MOBP: variants seen among roughly 807,000 people sequenced by gnomAD.
MOBP encodes the protein myelin associated oligodendrocyte basic protein, also known as myelin-associated oligodendrocyte basic protein.
In MOBP, 5 loss-of-function variants were observed where a neutral mutation model predicts 15.0. That is an observed-to-expected ratio of 0.33 (90% CI 0.17 to 0.70). The LOEUF is 0.70. Among genes scored for constraint, MOBP ranks in the 30% least tolerant of loss-of-function variants. The pLI is 0.67. For missense variants in MOBP, 188 were observed against 257.8 expected, an observed-to-expected ratio of 0.73 and a Z score of 1.85; for synonymous variants, 88 against 99.0, an observed-to-expected ratio of 0.89 and a Z score of 0.66.
At chr3:39,475,280 C>T (rs1277327474) in intron 1 of MOBP, among the ~76,000 whole-genome samples, 1 of 152,120 alleles carries the variant, frequency 6.6e-6, no homozygotes, top group Non-Finnish European at 1.5e-5. Context: ...CGAGGATGAT[C>T]TGTCTTATTA....
downstream of MOBP, chr3:39,528,517 A>G (rs1322942621): frequency 6.6e-6 from 1 of 152,246 alleles, no homozygotes; most frequent in African/African-American, 2.4e-5. Context: ...TTGCCTGAAA[A>G]ACGCACCTGA....
At chr3:39,468,456 C>T (rs1262885482) in intron 1 of MOBP, among the ~76,000 whole-genome samples, 7 of 152,120 alleles carry the variant, frequency 4.6e-5, no homozygotes, top group Non-Finnish European at 1.0e-4. Flanking sequence ...AGGCAGAGAG[C>T]AGGCTGCTGC....
intron 2 of MOBP, among the ~76,000 whole-genome samples, chr3:39,498,420 A>G (rs9811533): frequency 0.18 from 27,560 of 151,868 alleles, 2,831 homozygotes; most frequent in African/African-American, 0.27. Context: ...GCGCGACCTC[A>G]GCTCGCTGCA....
intron 1 of MOBP, among the ~76,000 whole-genome samples, chr3:39,468,344 GA>G (rs1332431457): frequency 1.3e-5 from 2 of 152,112 alleles, no homozygotes; most frequent in South Asian, 4.1e-4. Context: ...ACAGAGAAAG[GA>G]AAAAATATTA....
intron 2 of MOBP, among the ~76,000 whole-genome samples, chr3:39,486,455 A>G (rs916304864): frequency 3.9e-5 from 6 of 152,196 alleles, no homozygotes; most frequent in Admixed American, 1.3e-4. Flanking sequence ...AAAATAAATA[A>G]AAATGCTCCC....
exon 5 of MOBP, chr3:39,514,965 CGTGTGTGTGTGT>C (rs34912911): frequency 0.21 from 28,690 of 137,240 alleles, 2,822 homozygotes; most frequent in Non-Finnish European, 0.25. Flanking sequence ...CTGGTGTGTG[CGTGTGTGTGTGT>C]GTGTGTGTGT....
intron 1 of MOBP, among the ~76,000 whole-genome samples, chr3:39,468,786 ATGTG>A (rs201842900): frequency 2.0e-5 from 1 of 50,840 alleles, no homozygotes; most frequent in Non-Finnish European, 3.7e-5. Context: ...ACATATATAC[ATGTG>A]TGTGTATATA....
In MOBP at chr3:39,502,180, G is replaced by A. The variant is rs762491990; in HGVS notation, c.111G>A (p.Lys37=). 2.5e-6 allele frequency: 4 copies of A among 1,614,120 alleles called. No individual in the cohort carries two copies. Among genetic ancestry groups the A allele is most frequent in the African/African-American group, 1.3e-5 (1 of 74,948 alleles). The part of the protein sequence containing the change: ...CPPFTFLNSK[K]EIVDRKYSIC... Reference sequence around the variant, plus strand: ...CGTTCACCTTCCTCAATTCCAAGAAGGAGATAGTGGATCGGAAATACAGCA... The same window carrying A: ...CGTTCACCTTCCTCAATTCCAAGAAAGAGATAGTGGATCGGAAATACAGCA... Residue 37 remains lysine, a synonymous_variant, in exon 3 of 4, where the codon AAG becomes AAA. Coordinates refer to ENST00000684792, the MANE Select transcript of MOBP (RefSeq NM_001393704.1). The surrounding 1 kb of genome is among the most constrained non-coding windows in gnomAD (Gnocchi z 6.3).
At chr3:39,468,407 G>A (rs907514978) in intron 1 of MOBP, among the ~76,000 whole-genome samples, 3 of 152,138 alleles carry the variant, frequency 2.0e-5, no homozygotes, top group African/African-American at 7.2e-5. Flanking sequence ...GCAGGAAAAC[G>A]GGGAAAGGAC....
chr3:39,469,641 A>G (rs1300912937), intron 1 of MOBP, among the ~76,000 whole-genome samples: 6 of 152,118 alleles, frequency 3.9e-5, no homozygotes, highest in African/African-American at 1.4e-4. Context: ...ATTTTGCTAA[A>G]TGTCCCTCAA....
Position 39,469,206 on chromosome 3 carries a change from A to ATGTG in MOBP, c.-89+1472_-89+1475dup, listed in dbSNP as rs372208840. Reference sequence around the variant, plus strand: ...TGTGTGTGTGTATATACATATATACATGTGTGTGTATATACATATATACAT... The same window carrying ATGTG: ...TGTGTGTGTGTATATACATATATACATGTGTGTGTGTGTATATACATATATACAT... On this transcript the variant is annotated intron_variant, in intron 1 of 3. Transcript: ENST00000684792. Among the ~76,000 whole-genome samples the ATGTG allele has an allele frequency of 7.7e-5, 5 of 64,882 alleles. 1 individual carries two copies. Among genetic ancestry groups the ATGTG allele is most frequent in the East Asian group, 3.3e-4 (1 of 2,994 alleles). The allele number at this position is 64,882 out of a possible 152,430, so 42.6% of individuals were successfully genotyped here.
At chr3:39,513,568 T>C in exon 5 of MOBP, 11 of 807,492 alleles carry the variant, frequency 1.4e-5, no homozygotes, top group Non-Finnish European at 2.2e-5. Flanking sequence ...ATGCTCATGG[T>C]CCCCATGGCA....
At chr3:39,528,107 G>A (rs971732708), downstream of MOBP, 2 of 152,156 alleles carry the variant, frequency 1.3e-5, no homozygotes, top group African/African-American at 2.4e-5. Flanking sequence ...TTGAAAAATG[G>A]ATTCATAAAC....
At chr3:39,510,646 T>A (rs1269056746) in intron 4 of MOBP, among the ~76,000 whole-genome samples, 1 of 152,204 alleles carries the variant, frequency 6.6e-6, no homozygotes, top group African/African-American at 2.4e-5. Context: ...ATTTTGTATA[T>A]TGATCATGTA....
At position 39,502,645 on chromosome 3, in the gene MOBP, A is replaced by G. The variant is rs900198547; in HGVS notation, c.317A>G (p.Gln106Arg). Residue 106 changes from glutamine (Q) to arginine (R), a missense_variant, in exon 4 of 4, where the codon CAG becomes CGG. This residue lies in a region of MOBP where 133 missense variants were observed against 212.5 expected (regional missense o/e 0.63). Coordinates refer to ENST00000684792, the MANE Select transcript of MOBP (RefSeq NM_001393704.1). The surrounding 1 kb of genome is among the most constrained non-coding windows in gnomAD (Gnocchi z 6.3). ...KPRSPPRSER[Q>R]PRSPPRSERQ... ...CGGTCCCCTCCGAGGTCTGAGCGTC[A>G]GCCACGGTCCCCTCCGAGGTCTGAG... 7.8e-6 allele frequency: 12 copies of G among 1,537,450 alleles called. No individual in the cohort carries two copies. Among genetic ancestry groups the G allele is most frequent in the African/African-American group, 1.4e-5 (1 of 72,920 alleles).
intron 2 of MOBP, among the ~76,000 whole-genome samples, chr3:39,484,390 C>G (rs2042670968): frequency 6.6e-6 from 1 of 152,094 alleles, no homozygotes; most frequent in Admixed American, 6.5e-5. Context: ...TGAGGCGACC[C>G]TTAAAGTTTT....
intron 3 of MOBP, among the ~76,000 whole-genome samples, chr3:39,523,826 A>C (rs538754827): frequency 6.6e-6 from 1 of 152,148 alleles, no homozygotes; most frequent in Non-Finnish European, 1.5e-5. Context: ...GGGCTGAGAC[A>C]TGGTTTTATT....
chr3:39,480,184 T>C (rs1010339603), intron 2 of MOBP, 61 bp downstream of exon 2: 1 of 152,216 alleles, frequency 6.6e-6, no homozygotes, highest in Non-Finnish European at 1.5e-5. Flanking sequence ...TAATGATGAC[T>C]AGTATTCAGA....
Position 39,468,961 on chromosome 3 carries a change from TA to T in MOBP, c.-89+1222del, listed in dbSNP as rs1382671215. On this transcript the variant is annotated intron_variant, in intron 1 of 3. Transcript: ENST00000684792. ...TTGTGTGTATATATACATATATACA[TA>T]TGTGTGTGTATATATACATATATAC... 4.4e-5 allele frequency among the ~76,000 whole-genome samples: 5 copies of T among 112,956 alleles called. 1 individual carries two copies. The highest frequency in any genetic ancestry group is 6.6e-5 in the Non-Finnish European group (4 of 60,240). 74.1% of individuals were successfully genotyped at this position (112,956 alleles called of 152,430 possible).
Sources: allele counts gnomAD v4.1 joint callset (sites outside exome capture counted in the v4.1 genomes callset), GRCh38; gene constraint gnomAD v4.1.1; regional missense constraint gnomAD v4.1.1; non-coding constraint Gnocchi (gnomAD v3.1); transcripts MANE v1.5; gene names NCBI Gene and HGNC (gene_info 2026-07-23, HGNC 2026-07-21).